OSBPL6: variants seen among roughly 807,000 people sequenced by gnomAD.
OSBPL6 encodes the protein oxysterol-binding protein-related protein 6.
A neutral mutation model predicts 125.8 loss-of-function variants in OSBPL6; 49 were observed. The observed-to-expected ratio is 0.39, with a 90% CI of 0.31 to 0.49. The LOEUF (loss-of-function observed/expected upper bound fraction) is 0.49. Among genes scored for constraint, OSBPL6 ranks in the 20% least tolerant of loss-of-function variants. The pLI is 0.88. For synonymous variants in OSBPL6, 394 were observed against 391.8 expected, an observed-to-expected ratio of 1.01 and a Z score of -0.07; for missense variants, 986 against 1,135.4, an observed-to-expected ratio of 0.87 and a Z score of 1.89.
intron 1 of OSBPL6, among the ~76,000 whole-genome samples, chr2:178,239,049 T>A (rs1335224647): frequency 6.6e-6 from 1 of 152,194 alleles, no homozygotes; most frequent in Non-Finnish European, 1.5e-5. Context: ...TTTCAACATT[T>A]TCAAAATCAA....
chr2:178,367,241 G>A (rs940992834), intron 13 of OSBPL6, among the ~76,000 whole-genome samples: 6 of 152,106 alleles, frequency 3.9e-5, no homozygotes, highest in Non-Finnish European at 8.8e-5. Flanking sequence ...GTAGTAAGAT[G>A]CATTTTTTAA....
At position 178,383,244 on chromosome 2, in the gene OSBPL6, G is replaced by A. The variant is rs763972379; in HGVS notation, c.1842G>A (p.Lys614=). The stretch of plus-strand genomic sequence containing the variant: ...TGGAATACAGCGAGCTCCTGGACAA[G>A]GCTTCGGAAACTGATGATCCATATG... The part of the protein sequence containing the change: ...EEMEYSELLD[K]ASETDDPYER... The change falls in exon 17 of 25, where the codon AAG becomes AAA. Residue 614 remains lysine, a synonymous_variant. Coordinates refer to ENST00000190611, the MANE Select transcript of OSBPL6 (RefSeq NM_032523.4). The A allele has an allele frequency of 5.6e-6, 9 of 1,614,090 alleles. No homozygotes were observed. The highest frequency in any genetic ancestry group is 1.6e-4 in the Middle Eastern group (1 of 6,074).
chr2:178,328,073 T>C (rs1040580089), intron 4 of OSBPL6, among the ~76,000 whole-genome samples, 183 bp from the exon 5 acceptor site: 1 of 152,192 alleles, frequency 6.6e-6, no homozygotes, highest in Non-Finnish European at 1.5e-5. Flanking sequence ...TGGGAAACTC[T>C]TTTTAACTGA....
chr2:178,301,137 G>A (rs763908197), intron 2 of OSBPL6, among the ~76,000 whole-genome samples: 6 of 151,920 alleles, frequency 3.9e-5, no homozygotes, highest in Admixed American at 6.6e-5. Context: ...GTTTAAATGG[G>A]AAGGATGGAC....
At chr2:178,379,413 AAGAG>A (rs145223260) in intron 15 of OSBPL6, among the ~76,000 whole-genome samples, 2 of 148,516 alleles carry the variant, frequency 1.3e-5, no homozygotes, top group African/African-American at 2.5e-5. Context: ...GAGGGAAAGA[AAGAG>A]AAAGAAAAGA....
chr2:178,262,234 C>G (rs973428035), intron 1 of OSBPL6, among the ~76,000 whole-genome samples: 4 of 152,138 alleles, frequency 2.6e-5, no homozygotes, highest in Admixed American at 6.5e-5. Context: ...TAAAAAATCT[C>G]TGCCATACAG....
At chr2:178,372,828 GTAT>G (rs981277687) in intron 14 of OSBPL6, among the ~76,000 whole-genome samples, 7 of 152,164 alleles carry the variant, frequency 4.6e-5, no homozygotes, top group Admixed American at 2.6e-4. Context: ...CTGTTAGGTG[GTAT>G]TATTATTCCA....
intron 1 of OSBPL6, among the ~76,000 whole-genome samples, chr2:178,227,144 A>C (rs752260673): frequency 5.3e-5 from 8 of 152,230 alleles, no homozygotes; most frequent in Non-Finnish European, 1.2e-4. Flanking sequence ...TGGACAAAGG[A>C]TATGCATGGG....
At chr2:178,218,984 CT>C (rs977376549) in intron 1 of OSBPL6, among the ~76,000 whole-genome samples, 37 of 151,184 alleles carry the variant, frequency 2.4e-4, no homozygotes, top group East Asian at 1.6e-3. Context: ...TAATTCTTTG[CT>C]TTTTTTTTAT....
At chr2:178,315,683 C>T (rs909312149) in intron 3 of OSBPL6, among the ~76,000 whole-genome samples, 8 of 152,090 alleles carry the variant, frequency 5.3e-5, no homozygotes, top group Non-Finnish European at 1.0e-4. Flanking sequence ...GCAGCAAATT[C>T]GTCTGTCAGA....
intron 3 of OSBPL6, among the ~76,000 whole-genome samples, chr2:178,310,985 A>T (rs966473321): frequency 1.4e-4 from 22 of 152,102 alleles, no homozygotes; most frequent in Non-Finnish European, 2.9e-4. Context: ...TGCCCAACAT[A>T]CAGGTCATTC....
rs188490912 is a variant in OSBPL6, at chr2:178,197,621, A to G, written c.-351+2947A>G. The stretch of plus-strand genomic sequence containing the variant: ...GGTACAGTAAGAGATTAACAATCAT[A>G]ATAAACAGAACAATTATTAACACTA... On this transcript the variant is annotated intron_variant, in intron 1 of 24. Coordinates refer to ENST00000190611, the MANE Select transcript of OSBPL6 (RefSeq NM_032523.4). 9.0e-4 allele frequency among the ~76,000 whole-genome samples: 137 copies of G among 152,342 alleles called. 2 individuals carry two copies. Among genetic ancestry groups the G allele is most frequent in the African/African-American group, 3.1e-3 (129 of 41,576 alleles).
At chr2:178,218,731 G>A (rs1224150119) in intron 1 of OSBPL6, among the ~76,000 whole-genome samples, 1 of 151,498 alleles carries the variant, frequency 6.6e-6, no homozygotes, top group Non-Finnish European at 1.5e-5. Context: ...CCGGGTTCAG[G>A]TGATTCTCCT....
At chr2:178,362,459 A>G (rs1324001159) in intron 13 of OSBPL6, among the ~76,000 whole-genome samples, 1 of 152,314 alleles carries the variant, frequency 6.6e-6, no homozygotes, top group East Asian at 1.9e-4. Context: ...GCTTTTTTCA[A>G]CTGAGTAGTT....
rs1036962665 is a variant in OSBPL6 at position 178,336,531 on chromosome 2, T to A, written c.790+98T>A. 7 of 1,389,044 alleles carry A rather than the reference T, an allele frequency of 5.0e-6. No individual in the cohort carries two copies. The Admixed American group carries it at 1.4e-4, about 28-fold the overall frequency. The allele number at this position is 1,389,044 out of a possible 1,614,324, so 86.0% of individuals were successfully genotyped here. A position where few individuals can be genotyped will look rare whatever the true frequency, so the allele number is the denominator to read the frequency against. ...ATGAGTGCTACATCTTTTACCCTGA[T>A]TGCCTTGATCGTCTTGACCTTTCCT... On this transcript the variant is annotated intron_variant, in intron 9 of 24. Transcript: ENST00000190611.
At position 178,197,220 on chromosome 2, in the gene OSBPL6, G is replaced by A. The variant is rs367869575; in HGVS notation, c.-351+2546G>A. ...GGTTGTACTAATTTACATAAACCAGGGAAACAACCAAATACAAACACTAAA... is the reference window on the plus strand; with the variant it reads ...GGTTGTACTAATTTACATAAACCAGAGAAACAACCAAATACAAACACTAAA... On this transcript the variant is annotated intron_variant, in intron 1 of 24. Transcript: ENST00000190611. Among the ~76,000 whole-genome samples, 8 of 152,058 alleles carry A rather than the reference G, an allele frequency of 5.3e-5. No homozygotes were observed. The East Asian group carries it at 7.7e-4, about 15-fold the overall frequency.
chr2:178,361,881 A>C (rs1367719374), intron 13 of OSBPL6, 66 bp downstream of exon 13: 2 of 1,585,322 alleles, frequency 1.3e-6, no homozygotes, highest in African/African-American at 2.7e-5. Flanking sequence ...GAAAGATCAA[A>C]AGATGGGGGG....
At chr2:178,330,620 G>A (rs1170335316) in intron 5 of OSBPL6, among the ~76,000 whole-genome samples, 1 of 152,174 alleles carries the variant, frequency 6.6e-6, no homozygotes, top group Non-Finnish European at 1.5e-5. Context: ...ACTCACAGAA[G>A]GCCACTGTAC....
At chr2:178,293,767 C>T (rs1259803834) in intron 2 of OSBPL6, among the ~76,000 whole-genome samples, 2 of 151,978 alleles carry the variant, frequency 1.3e-5, no homozygotes, top group South Asian at 2.1e-4. Context: ...CATTAATCAT[C>T]CTCACCTCCC....
Sources: allele counts gnomAD v4.1 joint callset (sites outside exome capture counted in the v4.1 genomes callset), GRCh38; gene constraint gnomAD v4.1.1; transcripts MANE v1.5; gene names NCBI Gene and HGNC (gene_info 2026-07-23, HGNC 2026-07-21).